The following ZHX1 variants were observed in gnomAD, a reference collection of about 807,000 sequenced individuals.
ZHX1 encodes zinc fingers and homeoboxes protein 1.
ZHX1 carries 20 observed loss-of-function variants against 61.8 expected under a neutral mutation model. The ratio of observed to expected loss-of-function variants is 0.32; its 90% CI spans 0.23 to 0.47. The LOEUF is 0.47. Among genes scored for constraint, ZHX1 ranks in the 20% least tolerant of loss-of-function variants. ZHX1 has a pLI of 1.00. For synonymous variants in ZHX1, 318 were observed against 352.6 expected (o/e 0.90, Z 1.10); for missense variants, 800 against 1,034.8 (o/e 0.77, Z 3.11).
At chr8:123,261,939 C>T (rs2131207252) in intron 2 of ZHX1, among the ~76,000 whole-genome samples, 1 of 152,230 alleles carries the variant, frequency 6.6e-6, no homozygotes, top group Middle Eastern at 3.4e-3. Flanking sequence ...CATTAAAGTG[C>T]AATGGGACTG....
In ZHX1 at chr8:123,255,287, T is replaced by G; in HGVS notation, c.660A>C (p.Glu220Asp). ...CTGAAGAACTTGGATTTTCTACAAT[T>G]TCTTCACGGTCTGGTTTGATTTCAT... ...KENEIKPDRE[E>D]IVENPSSSAS... The change falls in exon 3 of 4, where the codon GAA (glutamate) becomes GAC (aspartate). Residue 220 changes from glutamate (E) to aspartate (D), a missense_variant. Coordinates refer to ENST00000395571, the MANE Select transcript of ZHX1 (RefSeq NM_007222.5). 1 of 1,614,224 alleles carries G rather than the reference T, an allele frequency of 6.2e-7. No homozygotes were observed. The highest frequency in any genetic ancestry group is 1.7e-5 in the Admixed American group (1 of 60,024).
intron 1 of ZHX1, among the ~76,000 whole-genome samples, chr8:123,267,604 G>T (rs1456328221): frequency 1.3e-5 from 2 of 151,910 alleles, no homozygotes; most frequent in Non-Finnish European, 2.9e-5. Context: ...ATATCATATA[G>T]AACAACTAAA....
chr8:123,262,978 G>C (rs1296249092), intron 2 of ZHX1: 1 of 148,048 alleles, frequency 6.8e-6, no homozygotes, highest in African/African-American at 2.5e-5. Flanking sequence ...GGGAGGAAGA[G>C]AGGAAAGTAG....
rs562757709 is a variant in ZHX1, at chr8:123,249,171, C to A, written c.*1153G>T. On this transcript the variant is annotated 3_prime_UTR_variant, in exon 4 of 4. Transcript: ENST00000395571. ...CTAATTAAACTGAACATTTCTTCTACGAAGAAAGCGCATTTTGAAAAATGG... is the reference window on the plus strand; with the variant it reads ...CTAATTAAACTGAACATTTCTTCTAAGAAGAAAGCGCATTTTGAAAAATGG... 3.9e-5 allele frequency: 6 copies of A among 152,546 alleles called. No individual in the cohort carries two copies. In the South Asian group the frequency reaches 1.0e-3, roughly 26 times the overall value. The allele number at this position is 152,546 out of a possible 1,614,324, so 9.4% of individuals were successfully genotyped here.
chr8:123,253,029 C>G, intron 3 of ZHX1: 1 of 272,058 alleles, frequency 3.7e-6, no homozygotes, highest in Non-Finnish European at 6.7e-6. Context: ...CCTCAACCTG[C>G]CTGCCAGTCT....
intron 2 of ZHX1, among the ~76,000 whole-genome samples, chr8:123,258,320 C>A (rs969470843): frequency 6.6e-6 from 1 of 152,204 alleles, no homozygotes; most frequent in African/African-American, 2.4e-5. Context: ...GTGGAAGCTG[C>A]CTGAGGCCAT....
rs1411117343 is a variant in ZHX1 at position 123,256,075 on chromosome 8, T to C, written c.-129A>G. 1 of 754,890 alleles carries C rather than the reference T, an allele frequency of 1.3e-6. No individual in the cohort carries two copies. Among genetic ancestry groups the C allele is most frequent in the Non-Finnish European group, 2.0e-6 (1 of 488,416 alleles). The allele number at this position is 754,890 out of a possible 1,614,324, so 46.8% of individuals were successfully genotyped here. A position where few individuals can be genotyped will look rare whatever the true frequency, so the allele number is the denominator to read the frequency against. ...CATTTTTGTGCTCAACAAGTCTCAT[T>C]AGCAGCTTTCTCATGGTGCAATCAA... On this transcript the variant is annotated 5_prime_UTR_variant, in exon 3 of 4. Coordinates refer to ENST00000395571, the MANE Select transcript of ZHX1 (RefSeq NM_007222.5).
chr8:123,260,601 A>AAAAAAAC (rs1826219728), intron 2 of ZHX1, among the ~76,000 whole-genome samples: 2 of 151,864 alleles, frequency 1.3e-5, no homozygotes, highest in Non-Finnish European at 2.9e-5. Context: ...CCATCTCAAA[A>AAAAAAAC]AAAAAACAAA....
chr8:123,259,564 A>G (rs1378086610), intron 2 of ZHX1, among the ~76,000 whole-genome samples: 1 of 152,218 alleles, frequency 6.6e-6, no homozygotes, highest in African/African-American at 2.4e-5. Flanking sequence ...ACTGGGCAAC[A>G]TGGTAAGATA....
chr8:123,269,481 A>G (rs1406395027), intron 1 of ZHX1, among the ~76,000 whole-genome samples: 3 of 152,346 alleles, frequency 2.0e-5, no homozygotes, highest in Non-Finnish European at 2.9e-5. Flanking sequence ...TCCAAAAATT[A>G]AAGAGCTCAT....
At chr8:123,268,844 G>A (rs1172228782) in intron 1 of ZHX1, among the ~76,000 whole-genome samples, 2 of 152,126 alleles carry the variant, frequency 1.3e-5, no homozygotes, top group African/African-American at 4.8e-5. Context: ...TAAATATTAA[G>A]GAAGAGTATT....
At chr8:123,274,656 G>GC (rs982046459), upstream of ZHX1, among the ~76,000 whole-genome samples, 14 of 149,108 alleles carry the variant, frequency 9.4e-5, no homozygotes, top group Non-Finnish European at 1.8e-4. Context: ...CGGAAGCTCC[G>GC]CCCCCTGTCA....
chr8:123,258,035 C>T (rs905627471), intron 2 of ZHX1, among the ~76,000 whole-genome samples: 1 of 152,156 alleles, frequency 6.6e-6, no homozygotes, highest in Non-Finnish European at 1.5e-5. Context: ...TAACAGCTTG[C>T]TATAATTTGG....
chr8:123,250,347 C>T (rs374725269), intron 3 of ZHX1, 27 bp from the exon 4 acceptor site: 1 of 378,926 alleles, frequency 2.6e-6, no homozygotes, highest in Admixed American at 3.8e-5. Flanking sequence ...TCATAAAAAA[C>T]TGAAAATTTA....
At chr8:123,260,914 C>T (rs1826230070) in intron 2 of ZHX1, among the ~76,000 whole-genome samples, 1 of 151,894 alleles carries the variant, frequency 6.6e-6, no homozygotes, top group African/African-American at 2.4e-5. Context: ...CCCAGCTACT[C>T]AGGAGGCTGA....
chr8:123,248,564 A>G lies in ZHX1; in HGVS notation c.*1760T>C, dbSNP rs1825833899. On this transcript the variant is annotated 3_prime_UTR_variant, in exon 4 of 4. Coordinates refer to ENST00000395571, the MANE Select transcript of ZHX1 (RefSeq NM_007222.5). ...ATTTAAAAGCTAGCAAACGTCAGAGAAGAGTTTTATCAGGCCTATAAAAGA... is the reference window on the plus strand; with the variant it reads ...ATTTAAAAGCTAGCAAACGTCAGAGGAGAGTTTTATCAGGCCTATAAAAGA... 1 of 152,296 alleles carries G rather than the reference A, an allele frequency of 6.6e-6. No homozygotes were observed. Among genetic ancestry groups the G allele is most frequent in the Non-Finnish European group, 1.5e-5 (1 of 68,034 alleles). The allele number at this position is 152,296 out of a possible 1,614,324, so 9.4% of individuals were successfully genotyped here. A position where few individuals can be genotyped will look rare whatever the true frequency, so the allele number is the denominator to read the frequency against.
Position 123,255,716 on chromosome 8 carries a change from A to G in ZHX1, c.231T>C (p.Phe77=). 6.2e-7 allele frequency: 1 copy of G among 1,613,750 alleles called. No homozygotes were observed. Among genetic ancestry groups the G allele is most frequent in the Non-Finnish European group, 8.5e-7 (1 of 1,179,850 alleles). ...EGGYECKYCT[F]QTPDLNMFTF... The stretch of plus-strand genomic sequence containing the variant: ...TAAACATATTTAGATCTGGAGTTTG[A>G]AAAGTACAATATTTACATTCATATC... Residue 77 remains phenylalanine, a synonymous_variant, in exon 3 of 4, where the codon TTT becomes TTC. Coordinates refer to ENST00000395571, the MANE Select transcript of ZHX1 (RefSeq NM_007222.5).
chr8:123,261,388 T>C (rs984849048), intron 2 of ZHX1, among the ~76,000 whole-genome samples: 4 of 152,130 alleles, frequency 2.6e-5, no homozygotes, highest in African/African-American at 4.8e-5. Context: ...CTCTGTCAAT[T>C]AGTAGTTAGG....
In ZHX1 at chr8:123,265,375, T is replaced by A. The variant is rs574841914; in HGVS notation, c.-226+1898A>T. 1.4e-4 allele frequency among the ~76,000 whole-genome samples: 22 copies of A among 152,236 alleles called. No homozygotes were observed. The South Asian group carries it at 4.4e-3, about 30-fold the overall frequency. On this transcript the variant is annotated intron_variant, in intron 2 of 3. Coordinates refer to ENST00000395571, the MANE Select transcript of ZHX1 (RefSeq NM_007222.5). ...ACTCTGTATTCTATTTAGTTTCACT[T>A]CTCTCTGAGTCAAGAGTTCTGTTTA... is the stretch of plus-strand genomic sequence containing the variant.
Sources: allele counts gnomAD v4.1 joint callset (sites outside exome capture counted in the v4.1 genomes callset), GRCh38; gene constraint gnomAD v4.1.1; transcripts MANE v1.5; gene names NCBI Gene and HGNC (gene_info 2026-07-23, HGNC 2026-07-21).